CSGALNACT1: variants seen among roughly 807,000 people sequenced by gnomAD.
CSGALNACT1 encodes beta4GalNAcT-1.
CSGALNACT1 carries 52 observed loss-of-function variants against 51.0 expected under a neutral mutation model. The observed-to-expected ratio is 1.02, with a 90% CI of 0.82 to 1.29. CSGALNACT1 has a LOEUF of 1.29. Among genes scored for constraint, CSGALNACT1 ranks in the 50% most tolerant of loss-of-function variants. The probability of loss-of-function intolerance (pLI) is 0.00; values close to 1 mark genes in which losing one functional copy is unlikely to be tolerated. For synonymous variants in CSGALNACT1, 341 were observed against 254.4 expected (o/e 1.34, Z -3.24); for missense variants, 935 against 679.2 (o/e 1.38, Z -4.19).
At chr8:19,695,040 G>A (rs1325425668) in intron 1 of CSGALNACT1, among the ~76,000 whole-genome samples, 4 of 152,066 alleles carry the variant, frequency 2.6e-5, no homozygotes, top group African/African-American at 9.7e-5. Flanking sequence ...CTCCTCCTCT[G>A]CTCACTTTGT....
At chr8:19,498,630 C>A (rs2153980436) in intron 4 of CSGALNACT1, among the ~76,000 whole-genome samples, 1 of 152,262 alleles carries the variant, frequency 6.6e-6, no homozygotes, top group Non-Finnish European at 1.5e-5. Flanking sequence ...CTTCAACTCA[C>A]ACAGAACACA....
chr8:19,555,695 C>T (rs978454693), intron 3 of CSGALNACT1, among the ~76,000 whole-genome samples: 9 of 152,132 alleles, frequency 5.9e-5, no homozygotes, highest in Non-Finnish European at 1.3e-4. Flanking sequence ...TAGCATGTTA[C>T]GGGTGGTTAG....
At chr8:19,546,616 C>T (rs1249736678) in intron 3 of CSGALNACT1, among the ~76,000 whole-genome samples, 2 of 152,222 alleles carry the variant, frequency 1.3e-5, no homozygotes, top group Non-Finnish European at 2.9e-5. Context: ...GCCACATCCA[C>T]TCTCCCAAGT....
At chr8:19,756,772 C>T (rs1011477232) in intron 1 of CSGALNACT1, among the ~76,000 whole-genome samples, 35 of 152,248 alleles carry the variant, frequency 2.3e-4, no homozygotes, top group Non-Finnish European at 4.3e-4. Flanking sequence ...AATACAATAA[C>T]CGCAGTCATC....
At chr8:19,633,618 G>C (rs2055596318) in intron 1 of CSGALNACT1, among the ~76,000 whole-genome samples, 1 of 152,208 alleles carries the variant, frequency 6.6e-6, no homozygotes, top group African/African-American at 2.4e-5. Flanking sequence ...TGGAAGCTGG[G>C]AGGAGGCAAG....
chr8:19,510,884 C>A (rs969441056), intron 3 of CSGALNACT1, among the ~76,000 whole-genome samples: 1 of 152,144 alleles, frequency 6.6e-6, no homozygotes, highest in Admixed American at 6.5e-5. Flanking sequence ...AAGACTTAAA[C>A]GAAATGTGGC....
Position 19,465,899 on chromosome 8 carries a change from G to T in CSGALNACT1, c.635-7257C>A, listed in dbSNP as rs1471451738. Among the ~76,000 whole-genome samples the T allele has an allele frequency of 2.0e-5, 3 of 152,156 alleles. No homozygotes were observed. The South Asian group carries it at 6.2e-4, about 31-fold the overall frequency. ...CTGGAGTCACTTTTCATATGCAGAAGAAGATAACTCAGCACATAGAAAAGA... is the reference window on the plus strand; with the variant it reads ...CTGGAGTCACTTTTCATATGCAGAATAAGATAACTCAGCACATAGAAAAGA... On this transcript the variant is annotated intron_variant, in intron 4 of 9. Transcript: ENST00000454498.
At chr8:19,420,551 T>A (rs2057757937) in intron 6 of CSGALNACT1, 33 bp from the exon 6 acceptor site, 3 of 1,604,916 alleles carry the variant, frequency 1.9e-6, no homozygotes. Context: ...GTCACTCACA[T>A]TCCCACATGT....
At chr8:19,484,966 G>A (rs547465745) in intron 4 of CSGALNACT1, among the ~76,000 whole-genome samples, 1 of 152,040 alleles carries the variant, frequency 6.6e-6, no homozygotes, top group Non-Finnish European at 1.5e-5. Flanking sequence ...GCCAAGGAGA[G>A]AGCCCTCCGA....
At chr8:19,597,285 C>CTTTTTTTTT (rs35177349) in intron 2 of CSGALNACT1, among the ~76,000 whole-genome samples, 3 of 64,528 alleles carry the variant, frequency 4.6e-5, no homozygotes, top group African/African-American at 7.0e-5. Flanking sequence ...TATCTTCTTT[C>CTTTTTTTTT]TTTTTTTTTT....
intron 1 of CSGALNACT1, among the ~76,000 whole-genome samples, chr8:19,706,868 T>C (rs1021490470): frequency 2.0e-5 from 3 of 152,134 alleles, no homozygotes; most frequent in African/African-American, 7.2e-5. Context: ...CTCAAGTGAT[T>C]CTCCCTGCCT....
At chr8:19,573,107 C>T (rs2043370336) in intron 3 of CSGALNACT1, among the ~76,000 whole-genome samples, 1 of 152,184 alleles carries the variant, frequency 6.6e-6, no homozygotes, top group Admixed American at 6.5e-5. Flanking sequence ...GATACACTCC[C>T]ATGGCGGTAG....
chr8:19,628,083 T>C (rs1454133978), intron 1 of CSGALNACT1, among the ~76,000 whole-genome samples: 1 of 152,216 alleles, frequency 6.6e-6, no homozygotes, highest in East Asian at 1.9e-4. Flanking sequence ...TGTGCTGACA[T>C]TGCTCTGAGA....
At chr8:19,473,488 G>A (rs2068687687) in intron 4 of CSGALNACT1, among the ~76,000 whole-genome samples, 1 of 152,136 alleles carries the variant, frequency 6.6e-6, no homozygotes, top group Non-Finnish European at 1.5e-5. Context: ...CTTCCAGACA[G>A]CCTTCTGTGG....
intron 1 of CSGALNACT1, among the ~76,000 whole-genome samples, chr8:19,727,581 G>A (rs2063473267): frequency 1.3e-5 from 2 of 152,264 alleles, no homozygotes; most frequent in African/African-American, 4.8e-5. Flanking sequence ...GAACTCCTGG[G>A]CTGAAGCGAT....
intron 1 of CSGALNACT1, among the ~76,000 whole-genome samples, chr8:19,700,653 A>G (rs2061815914): frequency 6.6e-6 from 1 of 152,158 alleles, no homozygotes; most frequent in African/African-American, 2.4e-5. Context: ...CGATGTTCCT[A>G]TCTCTTTCTG....
At chr8:19,545,723 C>A (rs1460940096) in intron 3 of CSGALNACT1, among the ~76,000 whole-genome samples, 1 of 151,368 alleles carries the variant, frequency 6.6e-6, no homozygotes, top group Non-Finnish European at 1.5e-5. Context: ...AGTCTCCAGG[C>A]AACTAAAGTT....
At chr8:19,687,468 T>C (rs145778523), upstream of CSGALNACT1, among the ~76,000 whole-genome samples, 10 of 152,326 alleles carry the variant, frequency 6.6e-5, no homozygotes, top group African/African-American at 1.9e-4. Context: ...GCCGTACAGA[T>C]GTGATGCAAA....
chr8:19,751,104 G>A (rs1188642836), intron 1 of CSGALNACT1, among the ~76,000 whole-genome samples: 1 of 152,116 alleles, frequency 6.6e-6, no homozygotes, highest in East Asian at 1.9e-4. Context: ...TTGCATGTCA[G>A]AACTCAAAGA....
Sources: gnomAD v4.1 joint callset for allele counts (sites outside exome capture counted in the v4.1 genomes callset) on GRCh38, gnomAD v4.1.1 for gene constraint, MANE v1.5 for transcripts, NCBI Gene and HGNC (gene_info 2026-07-23, HGNC 2026-07-21) for gene names.